Variants in PAWR observed in about 807,000 individuals in gnomAD.
PAWR encodes pro-apoptotic WT1 regulator, also known as PRKC apoptosis WT1 regulator protein.
PAWR carries 23 observed loss-of-function variants against 32.0 expected under a neutral mutation model. That is an observed-to-expected ratio of 0.72 (90% CI 0.52 to 1.02). The LOEUF is 1.02. Ranked by LOEUF, PAWR falls within the 50% of genes least tolerant of loss-of-function variation. The pLI, the probability that PAWR is intolerant of heterozygous loss-of-function variation, is 0.00. For synonymous variants in PAWR, 226 were observed against 187.1 expected, an observed-to-expected ratio of 1.21 and a Z score of -1.70; for missense variants, 457 against 437.7, an observed-to-expected ratio of 1.04 and a Z score of -0.39.
In PAWR at chr12:79,607,894, A is replaced by G. The variant is rs143843307; in HGVS notation, c.683+5681T>C. 4.2e-3 allele frequency among the ~76,000 whole-genome samples: 638 copies of G among 152,154 alleles called. 2 individuals are homozygous for G. The highest frequency in any genetic ancestry group is 6.7e-3 in the Non-Finnish European group (455 of 67,992). On this transcript the variant is annotated intron_variant, in intron 4 of 6. Coordinates refer to ENST00000328827, the MANE Select transcript of PAWR (RefSeq NM_002583.4). Reference sequence around the variant, plus strand: ...GTGAAACCCCGTCTCTACCAAAAATACAAAATTAACCGGGCATGGGGGCGC... The same window carrying G: ...GTGAAACCCCGTCTCTACCAAAAATGCAAAATTAACCGGGCATGGGGGCGC...
At chr12:79,678,542 T>C (rs1424099002) in intron 2 of PAWR, among the ~76,000 whole-genome samples, 3 of 152,258 alleles carry the variant, frequency 2.0e-5, no homozygotes, top group South Asian at 2.1e-4. Flanking sequence ...GGGCAAGTCA[T>C]AACTTCTTTG....
intron 3 of PAWR, among the ~76,000 whole-genome samples, chr12:79,619,046 T>G (rs1874879392): frequency 8.6e-5 from 13 of 151,678 alleles, no homozygotes; most frequent in Admixed American, 8.5e-4. Flanking sequence ...TTTAATAATT[T>G]TAATTGATAA....
intron 2 of PAWR, among the ~76,000 whole-genome samples, chr12:79,664,134 TA>T (rs1273100746): frequency 1.3e-5 from 2 of 152,196 alleles, no homozygotes; most frequent in African/African-American, 4.8e-5. Context: ...TCACTATTCA[TA>T]AAGGATTATT....
At position 79,681,643 on chromosome 12, in the gene PAWR, T is replaced by C. The variant is rs542050726; in HGVS notation, c.516+8086A>G. Reference sequence around the variant, plus strand: ...TAATATGTATAAGATAACAGGTTTTTCTACCTTTCCTTGGATTTATTTCCA... The same window carrying C: ...TAATATGTATAAGATAACAGGTTTTCCTACCTTTCCTTGGATTTATTTCCA... On this transcript the variant is annotated intron_variant, in intron 2 of 6. Coordinates refer to ENST00000328827, the MANE Select transcript of PAWR (RefSeq NM_002583.4). 2.0e-5 allele frequency among the ~76,000 whole-genome samples: 3 copies of C among 152,324 alleles called. No individual in the cohort carries two copies. The East Asian group carries it at 5.8e-4, about 29-fold the overall frequency.
At chr12:79,682,152 TTTTG>T (rs1005694534) in intron 2 of PAWR, among the ~76,000 whole-genome samples, 3 of 152,192 alleles carry the variant, frequency 2.0e-5, no homozygotes, top group Non-Finnish European at 4.4e-5. Flanking sequence ...TAGAGTTTTG[TTTTG>T]TTTGAGTTTT....
At chr12:79,687,002 C>T (rs915441313) in intron 2 of PAWR, among the ~76,000 whole-genome samples, 3 of 152,170 alleles carry the variant, frequency 2.0e-5, no homozygotes, top group Non-Finnish European at 4.4e-5. Flanking sequence ...ACACATTTGA[C>T]TGATCTGATA....
rs1251872841 is a variant in PAWR at position 79,587,746 on chromosome 12, G to C, written c.*4861C>G. 1 of 151,848 alleles carries C rather than the reference G, an allele frequency of 6.6e-6. No individual in the cohort carries two copies. The highest frequency in any genetic ancestry group is 1.5e-5 in the Non-Finnish European group (1 of 67,844). The allele number at this position is 151,848 out of a possible 1,614,324, so 9.4% of individuals were successfully genotyped here. ...TTTAGCTTCAAAAGTAAAACTCATA[G>C]TCAGGATTTTACTGATAGTACAGGA... On this transcript the variant is annotated 3_prime_UTR_variant, in exon 7 of 7. Coordinates refer to ENST00000328827, the MANE Select transcript of PAWR (RefSeq NM_002583.4).
intron 2 of PAWR, among the ~76,000 whole-genome samples, chr12:79,644,321 G>A (rs8176824): frequency 3.1e-4 from 47 of 152,184 alleles, no homozygotes; most frequent in African/African-American, 9.6e-4. Flanking sequence ...CTTGTGCAGC[G>A]TCTTTTAAAG....
At chr12:79,619,434 A>G (rs1056514363) in intron 3 of PAWR, among the ~76,000 whole-genome samples, 7 of 152,234 alleles carry the variant, frequency 4.6e-5, no homozygotes, top group African/African-American at 1.7e-4. Flanking sequence ...CTTAATAACG[A>G]AAGAAAGAAA....
intron 3 of PAWR, among the ~76,000 whole-genome samples, chr12:79,615,926 G>A (rs985869793): frequency 2.0e-5 from 3 of 151,700 alleles, no homozygotes; most frequent in Non-Finnish European, 4.4e-5. Context: ...GTGAAGTGGC[G>A]TGTGCCTGTA....
At position 79,665,858 on chromosome 12, in the gene PAWR, CAG is replaced by C. The variant is rs559348312; in HGVS notation, c.516+23869_516+23870del. The stretch of plus-strand genomic sequence containing the variant: ...TGCAGCAAAACTCAATATCCCGTAA[CAG>C]AGCCTGATTTTTCTCTTCCATGGAG... On this transcript the variant is annotated intron_variant, in intron 2 of 6. Transcript: ENST00000328827. Among the ~76,000 whole-genome samples the C allele has an allele frequency of 9.8e-5, 15 of 152,314 alleles. No homozygotes were observed. In the South Asian group the frequency reaches 1.9e-3, roughly 19 times the overall value.
chr12:79,621,260 G>A lies in PAWR; in HGVS notation c.517-53C>T, dbSNP rs575668986. On this transcript the variant is annotated intron_variant, in intron 2 of 6. Transcript: ENST00000328827. ...ATTTCTACTATTAATAGACTGTTTC[G>A]ATAATATGTGAAAATATATTGATAG... 6.2e-5 allele frequency: 81 copies of A among 1,310,296 alleles called. No individual in the cohort carries two copies. In the South Asian group the frequency reaches 8.9e-4, roughly 14 times the overall value. 81.2% of individuals were successfully genotyped at this position (1,310,296 alleles called of 1,614,324 possible).
chr12:79,665,438 A>G (rs1271734149), intron 2 of PAWR, among the ~76,000 whole-genome samples: 1 of 152,204 alleles, frequency 6.6e-6, no homozygotes, highest in Admixed American at 6.5e-5. Flanking sequence ...ACTGCCAAAT[A>G]TTTTAAGATG....
chr12:79,645,653 A>G (rs1023444446), intron 2 of PAWR, among the ~76,000 whole-genome samples: 7 of 152,236 alleles, frequency 4.6e-5, no homozygotes, highest in African/African-American at 1.7e-4. Flanking sequence ...AACAGTACTT[A>G]GGAAAAACAT....
Position 79,613,934 on chromosome 12 carries a change from TATATA to T in PAWR, c.649-330_649-326del, listed in dbSNP as rs1874558024. On this transcript the variant is annotated intron_variant, in intron 3 of 6. Coordinates refer to ENST00000328827, the MANE Select transcript of PAWR (RefSeq NM_002583.4). ...GGGGCATTAAAAAGTACCACCATTA[TATATA>T]TATATATATATATATATATATATAT... is the stretch of plus-strand genomic sequence containing the variant. Among the ~76,000 whole-genome samples, 34 of 3,972 alleles carry T rather than the reference TATATA, an allele frequency of 8.6e-3. 1 individual carries two copies. The highest frequency in any genetic ancestry group is 0.018 in the African/African-American group (34 of 1,872). 2.6% of individuals were successfully genotyped at this position (3,972 alleles called of 152,430 possible). A position where few individuals can be genotyped will look rare whatever the true frequency, so the allele number is the denominator to read the frequency against.
chr12:79,619,019 A>C (rs1417011303), intron 3 of PAWR, among the ~76,000 whole-genome samples: 3 of 151,738 alleles, frequency 2.0e-5, no homozygotes, highest in South Asian at 4.1e-4. Context: ...TAGATTAATA[A>C]TTTTTAATAT....
chr12:79,621,061 T>C lies in PAWR; in HGVS notation c.648+15A>G. 1.9e-6 allele frequency: 3 copies of C among 1,579,322 alleles called. No homozygotes were observed. The highest frequency in any genetic ancestry group is 1.7e-6 in the Non-Finnish European group (2 of 1,165,274). ...TAAAATAGATAGTGACTTCCTGGTA[T>C]TTTTAAATACTCACCTGTAGCAGAT... On this transcript the variant is annotated intron_variant, in intron 3 of 6. Transcript: ENST00000328827.
intron 2 of PAWR, among the ~76,000 whole-genome samples, chr12:79,621,683 T>C (rs972885813): frequency 6.6e-6 from 1 of 152,192 alleles, no homozygotes; most frequent in Non-Finnish European, 1.5e-5. Context: ...AGAGTATTTT[T>C]ACCTGGAGAG....
At chr12:79,613,639 TTGAG>T (rs778616797) in intron 3 of PAWR, 30 bp from the exon 4 acceptor site, 1 of 1,356,364 alleles carries the variant, frequency 7.4e-7, no homozygotes, top group South Asian at 1.2e-5. Flanking sequence ...ATGTATCAGT[TTGAG>T]TATGTATGTA....
Sources: gnomAD v4.1 joint callset for allele counts (sites outside exome capture counted in the v4.1 genomes callset) on GRCh38, gnomAD v4.1.1 for gene constraint, MANE v1.5 for transcripts, NCBI Gene and HGNC (gene_info 2026-07-23, HGNC 2026-07-21) for gene names.